The following LRRC4C variants were observed in gnomAD, a reference collection of about 807,000 sequenced individuals.
The protein encoded by LRRC4C is leucine-rich repeat-containing protein 4C.
In LRRC4C, 5 loss-of-function variants were observed where a neutral mutation model predicts 33.6. That is an observed-to-expected ratio of 0.15 (90% CI 0.08 to 0.31). The LOEUF is 0.31. Among genes scored for constraint, LRRC4C ranks in the 10% least tolerant of loss-of-function variants. LRRC4C has a pLI of 1.00. For synonymous variants in LRRC4C, 329 were observed against 302.0 expected (o/e 1.09, Z -0.93); for missense variants, 560 against 796.7 (o/e 0.70, Z 3.58).
At chr11:41,359,875 T>C (rs982623111) in intron 1 of LRRC4C, among the ~76,000 whole-genome samples, 8 of 152,158 alleles carry the variant, frequency 5.3e-5, no homozygotes, top group Non-Finnish European at 8.8e-5. Context: ...ATATGTTTTC[T>C]GAAATATTTT....
At chr11:41,330,167 T>C (rs1204000539) in intron 1 of LRRC4C, among the ~76,000 whole-genome samples, 2 of 152,212 alleles carry the variant, frequency 1.3e-5, no homozygotes, top group Admixed American at 1.3e-4. Context: ...GTTACATTCA[T>C]GAGTCTGGGT....
intron 3 of LRRC4C, among the ~76,000 whole-genome samples, chr11:40,321,015 A>G (rs1462095542): frequency 6.6e-6 from 1 of 152,204 alleles, no homozygotes. Context: ...AGTTTAGTAC[A>G]ATTTTATTTT....
intron 1 of LRRC4C, among the ~76,000 whole-genome samples, chr11:41,120,227 A>G (rs1942351138): frequency 6.6e-6 from 1 of 152,192 alleles, no homozygotes; most frequent in Non-Finnish European, 1.5e-5. Flanking sequence ...AATTTTTACT[A>G]TAAATGAAAT....
At chr11:40,140,914 C>G (rs1411477345) in intron 5 of LRRC4C, 61 bp from the exon 6 acceptor site, 3 of 151,658 alleles carry the variant, frequency 2.0e-5, no homozygotes, top group Non-Finnish European at 4.4e-5. Flanking sequence ...TAATTCAGGA[C>G]AATTCTTGAT....
rs556861873 is a variant in LRRC4C at position 40,494,581 on chromosome 11, G to A, written c.-270+153561C>T. Among the ~76,000 whole-genome samples the A allele has an allele frequency of 3.2e-4, 49 of 152,136 alleles. 1 individual carries two copies. Among genetic ancestry groups the A allele is most frequent in the African/African-American group, 1.1e-3 (47 of 41,508 alleles). ...TCTGTTTTACATATGACATAAATCAGACTTTGTTTATACATCTAGCATGCA... is the reference window on the plus strand; with the variant it reads ...TCTGTTTTACATATGACATAAATCAAACTTTGTTTATACATCTAGCATGCA... On this transcript the variant is annotated intron_variant, in intron 3 of 6. Transcript: ENST00000528697.
chr11:40,300,899 T>A (rs1245407352), intron 4 of LRRC4C, among the ~76,000 whole-genome samples: 2 of 152,180 alleles, frequency 1.3e-5, no homozygotes, highest in Non-Finnish European at 2.9e-5. Context: ...ACTCCCGGGC[T>A]CAAGCGATTC....
rs546854637 is a variant in LRRC4C at position 40,336,872 on chromosome 11, G to A, written c.-269-17151C>T. On this transcript the variant is annotated intron_variant, in intron 3 of 6. Coordinates refer to ENST00000528697, the MANE Select transcript of LRRC4C (RefSeq NM_001258419.2). Reference sequence around the variant, plus strand: ...GGCGCCTGTAGTCCCAGCTACTCGGGAGGCTGAGGCAGGAGAATGGCGTGA... The same window carrying A: ...GGCGCCTGTAGTCCCAGCTACTCGGAAGGCTGAGGCAGGAGAATGGCGTGA... Among the ~76,000 whole-genome samples, 177 of 151,148 alleles carry A rather than the reference G, an allele frequency of 1.2e-3. 1 individual carries two copies. The South Asian group carries it at 0.014, about 12-fold the overall frequency.
chr11:40,792,562 T>C (rs2135174964), intron 2 of LRRC4C, among the ~76,000 whole-genome samples: 1 of 152,272 alleles, frequency 6.6e-6, no homozygotes, highest in South Asian at 2.1e-4. Context: ...GTTCAACCAT[T>C]GTGGAAGTCA....
At chr11:40,741,884 T>G (rs937700195) in intron 2 of LRRC4C, among the ~76,000 whole-genome samples, 27 of 152,068 alleles carry the variant, frequency 1.8e-4, no homozygotes, top group African/African-American at 6.3e-4. Flanking sequence ...ATAGCATTCA[T>G]GATAGCCAAA....
At chr11:41,099,646 C>T (rs1056191092) in intron 1 of LRRC4C, among the ~76,000 whole-genome samples, 1 of 152,090 alleles carries the variant, frequency 6.6e-6, no homozygotes, top group Non-Finnish European at 1.5e-5. Context: ...AACATCATTT[C>T]ATGTTACAAA....
chr11:40,342,652 A>G (rs1003839994), intron 3 of LRRC4C, among the ~76,000 whole-genome samples: 1 of 152,182 alleles, frequency 6.6e-6, no homozygotes, highest in African/African-American at 2.4e-5. Context: ...AAATAATACT[A>G]ATGAAACACT....
intron 3 of LRRC4C, among the ~76,000 whole-genome samples, chr11:40,368,158 T>C (rs143728367): frequency 6.6e-6 from 1 of 152,234 alleles, no homozygotes; most frequent in Non-Finnish European, 1.5e-5. Context: ...TCAGCACATG[T>C]AAATAAATAA....
intron 6 of LRRC4C, among the ~76,000 whole-genome samples, chr11:40,135,927 G>A (rs1017612053): frequency 2.0e-5 from 3 of 152,180 alleles, no homozygotes; most frequent in African/African-American, 7.2e-5. Context: ...TATGATATAG[G>A]TGTCATTCCT....
intron 3 of LRRC4C, among the ~76,000 whole-genome samples, chr11:40,615,265 T>TATATATATATATATAC (rs1490740198): frequency 7.1e-4 from 38 of 53,418 alleles, no homozygotes; most frequent in Admixed American, 1.2e-3. Context: ...TATATATATA[T>TATATATATATATATAC]ACACACACAC....
chr11:40,362,569 A>C (rs1349686793), intron 3 of LRRC4C, among the ~76,000 whole-genome samples: 1 of 152,060 alleles, frequency 6.6e-6, no homozygotes, highest in Non-Finnish European at 1.5e-5. Flanking sequence ...AAAATACAAA[A>C]ATTAGTGAGG....
At chr11:41,270,967 C>T (rs1949301641) in intron 1 of LRRC4C, among the ~76,000 whole-genome samples, 1 of 151,842 alleles carries the variant, frequency 6.6e-6, no homozygotes, top group South Asian at 2.1e-4. Context: ...GTATCTTAAA[C>T]CTCCCTCCCC....
At chr11:40,368,904 T>C (rs1948330226) in intron 3 of LRRC4C, among the ~76,000 whole-genome samples, 1 of 152,182 alleles carries the variant, frequency 6.6e-6, no homozygotes, top group Admixed American at 6.6e-5. Context: ...TCTTCAATAA[T>C]GTGATAATAA....
At position 40,650,081 on chromosome 11, in the gene LRRC4C, G is replaced by A. The variant is rs186058826; in HGVS notation, c.-406-1803C>T. On this transcript the variant is annotated intron_variant, in intron 2 of 6. Coordinates refer to ENST00000528697, the MANE Select transcript of LRRC4C (RefSeq NM_001258419.2). Reference sequence around the variant, plus strand: ...TAAGACAAATGAAAAGAGTTATTTTGGCACTAGGCTAATGAAGAATTCCAA... The same window carrying A: ...TAAGACAAATGAAAAGAGTTATTTTAGCACTAGGCTAATGAAGAATTCCAA... Among the ~76,000 whole-genome samples, 16 of 152,178 alleles carry A rather than the reference G, an allele frequency of 1.1e-4. No individual in the cohort carries two copies. In the East Asian group the frequency reaches 2.9e-3, roughly 28 times the overall value.
rs770450319 is a variant in LRRC4C, at chr11:40,859,386, A to G, written c.-407+74249T>C. Among the ~76,000 whole-genome samples the G allele has an allele frequency of 2.2e-4, 34 of 152,162 alleles. 1 individual carries two copies. Among genetic ancestry groups the G allele is most frequent in the African/African-American group, 6.0e-4 (25 of 41,436 alleles). On this transcript the variant is annotated intron_variant, in intron 2 of 6. Transcript: ENST00000528697. The stretch of plus-strand genomic sequence containing the variant: ...GCTTGAGAGGCTCGTAGACTTATGT[A>G]TTGTATATCTAGCATGCAGTAGAAA...
Sources: allele counts gnomAD v4.1 joint callset (sites outside exome capture counted in the v4.1 genomes callset), GRCh38; gene constraint gnomAD v4.1.1; transcripts MANE v1.5; gene names NCBI Gene and HGNC (gene_info 2026-07-23, HGNC 2026-07-21).